ACAA2: variants seen among roughly 807,000 people sequenced by gnomAD.
ACAA2 encodes 3-ketoacyl-CoA thiolase, mitochondrial.
Under a neutral mutation model 44.8 loss-of-function variants are expected in ACAA2, and 35 were observed. The observed-to-expected ratio is 0.78, with a 90% confidence interval of 0.60 to 1.04. The LOEUF (loss-of-function observed/expected upper bound fraction) is 1.04, where lower values mean the gene tolerates loss of function less well. Ranked by LOEUF, ACAA2 falls within the 50% of genes least tolerant of loss-of-function variation. The probability of loss-of-function intolerance (pLI) is 0.00; values close to 1 mark genes in which losing one functional copy is unlikely to be tolerated. For synonymous variants in ACAA2, 142 were observed against 166.5 expected, an observed-to-expected ratio of 0.85 and a Z score of 1.13; for missense variants, 468 against 482.6, an observed-to-expected ratio of 0.97 and a Z score of 0.28.
At chr18:49,792,123 T>G in intron 6 of ACAA2, 29 bp downstream of exon 6, 1 of 1,586,828 alleles carries the variant, frequency 6.3e-7, no homozygotes, top group Non-Finnish European at 8.6e-7. Context: ...CCAGGAAGAA[T>G]TCAAGCTAAT....
At chr18:49,798,828 T>C (rs1418187690) in intron 2 of ACAA2, among the ~76,000 whole-genome samples, 1 of 152,172 alleles carries the variant, frequency 6.6e-6, no homozygotes, top group African/African-American at 2.4e-5. Context: ...GGATATTCTT[T>C]TGCCAAGGTT....
rs1445877103 is a variant in ACAA2 at position 49,782,739 on chromosome 18, T to G, written c.*1108A>C. 6.6e-6 allele frequency: 1 copy of G among 151,092 alleles called. No individual in the cohort carries two copies. Among genetic ancestry groups the G allele is most frequent in the Non-Finnish European group, 1.5e-5 (1 of 68,088 alleles). 9.4% of individuals were successfully genotyped at this position (151,092 alleles called of 1,614,324 possible). On this transcript the variant is annotated 3_prime_UTR_variant, in exon 10 of 10. Coordinates refer to ENST00000285093, the MANE Select transcript of ACAA2 (RefSeq NM_006111.3). ...GGCAGGCGCCTGTAGTCCCAGCTACTGGGGAGGCTGAGGCAGGAGAATGGC... is the reference window on the plus strand; with the variant it reads ...GGCAGGCGCCTGTAGTCCCAGCTACGGGGGAGGCTGAGGCAGGAGAATGGC...
At chr18:49,788,061 A>G (rs891554102) in intron 7 of ACAA2, among the ~76,000 whole-genome samples, 1 of 152,240 alleles carries the variant, frequency 6.6e-6, no homozygotes, top group Non-Finnish European at 1.5e-5. Context: ...TAAATAAAAC[A>G]TAACTCCTAA....
At chr18:49,788,743 G>A (rs968028422) in intron 7 of ACAA2, among the ~76,000 whole-genome samples, 2 of 152,154 alleles carry the variant, frequency 1.3e-5, no homozygotes, top group African/African-American at 2.4e-5. Context: ...AGCATGACTC[G>A]TACTTTCACT....
chr18:49,792,173 A>G lies in ACAA2; in HGVS notation c.732T>C (p.Thr244=). 6.2e-7 allele frequency: 1 copy of G among 1,613,962 alleles called. No individual in the cohort carries two copies. Among genetic ancestry groups the G allele is most frequent in the Non-Finnish European group, 8.5e-7 (1 of 1,179,878 alleles). Reference sequence around the variant, plus strand: ...CAACCGATGCATTCCCTGCAGTAACAGTTCCATCTTTCTTGAATACTGGAG... The same window carrying G: ...CAACCGATGCATTCCCTGCAGTAACGGTTCCATCTTTCTTGAATACTGGAG... ...KLPPVFKKDG[T]VTAGNASGVA... The change falls in exon 6 of 10, where the codon ACT becomes ACC. Residue 244 remains threonine (T), a synonymous_variant. Coordinates refer to ENST00000285093, the MANE Select transcript of ACAA2 (RefSeq NM_006111.3).
intron 7 of ACAA2, 47 bp from the exon 8 acceptor site, chr18:49,787,408 A>G (rs778963985): frequency 6.0e-5 from 75 of 1,259,484 alleles, no homozygotes; most frequent in Non-Finnish European, 7.4e-5. Flanking sequence ...AATAAATGTC[A>G]TCTTATATTT....
Position 49,809,013 on chromosome 18 carries a change from T to C in ACAA2, c.16+4456A>G, listed in dbSNP as rs140571475. Among the ~76,000 whole-genome samples, 774 of 152,220 alleles carry C rather than the reference T, an allele frequency of 5.1e-3. 13 individuals carry two copies. The highest frequency in any genetic ancestry group is 0.041 in the East Asian group (211 of 5,186). On this transcript the variant is annotated intron_variant, in intron 1 of 9. Coordinates refer to ENST00000285093, the MANE Select transcript of ACAA2 (RefSeq NM_006111.3). ...AAGACAGACACTCCCAGAGCGGCCA[T>C]TTATAGACCTCCCCCCAGGAATACA...
At chr18:49,786,399 G>A (rs556536102) in intron 8 of ACAA2, 10 of 152,326 alleles carry the variant, frequency 6.6e-5, no homozygotes, top group Admixed American at 3.3e-4. Flanking sequence ...TCTAAAGTGA[G>A]AAATTTAGTG....
chr18:49,800,625 G>C (rs1031898903), intron 2 of ACAA2, among the ~76,000 whole-genome samples: 2 of 152,158 alleles, frequency 1.3e-5, no homozygotes, highest in Non-Finnish European at 2.9e-5. Flanking sequence ...TGAAACATGT[G>C]CTGTGTCCAC....
intron 1 of ACAA2, among the ~76,000 whole-genome samples, chr18:49,810,748 T>G (rs913742018): frequency 6.6e-5 from 10 of 151,820 alleles, no homozygotes; most frequent in Non-Finnish European, 2.9e-5. Flanking sequence ...AGTGCGGTAG[T>G]GTGATCTTGG....
intron 6 of ACAA2, 143 bp from the exon 7 acceptor site, chr18:49,791,742 C>A: frequency 1.3e-6 from 1 of 779,888 alleles, no homozygotes; most frequent in Non-Finnish European, 1.9e-6. Flanking sequence ...AAAAGTGGTA[C>A]TGTGGTGGAT....
At position 49,810,892 on chromosome 18, in the gene ACAA2, A is replaced by G. The variant is rs543115864; in HGVS notation, c.16+2577T>C. ...TGTAGAGACTGGGTTTCTCTATTTT[A>G]AAAAATAATTTGTTATTATTATTTT... is the stretch of plus-strand genomic sequence containing the variant. On this transcript the variant is annotated intron_variant, in intron 1 of 9. Transcript: ENST00000285093. 8.7e-5 allele frequency among the ~76,000 whole-genome samples: 12 copies of G among 137,644 alleles called. No homozygotes were observed. In the East Asian group the frequency reaches 2.4e-3, roughly 27 times the overall value. The allele number at this position is 137,644 out of a possible 152,430, so 90.3% of individuals were successfully genotyped here.
Position 49,795,811 on chromosome 18 carries a change from C to T in ACAA2, c.383G>A (p.Cys128Tyr). 1 of 1,611,804 alleles carries T rather than the reference C, an allele frequency of 6.2e-7. No individual in the cohort carries two copies. ...GTESMSQAPY[C>Y]VRNVRFGTKL... ...GGTTCCAAAACGCACATTTCTGACACAGTAGGGAGCTTGGCTCATGCTTTC... is the reference window on the plus strand; with the variant it reads ...GGTTCCAAAACGCACATTTCTGACATAGTAGGGAGCTTGGCTCATGCTTTC... The change falls in exon 4 of 10, where the codon TGT becomes TAT. Residue 128 changes from cysteine (C) to tyrosine (Y), a missense_variant. Coordinates refer to ENST00000285093, the MANE Select transcript of ACAA2 (RefSeq NM_006111.3).
At position 49,782,937 on chromosome 18, in the gene ACAA2, A is replaced by AAGTT. The variant is rs1200165654; in HGVS notation, c.*906_*909dup. ...TAAAATTTCCAGTGGCTCTTTGATG[A>AAGTT]AGTTAACAAGAATAGGGCCTTGCCC... On this transcript the variant is annotated 3_prime_UTR_variant, in exon 10 of 10. Transcript: ENST00000285093. The AAGTT allele has an allele frequency of 6.6e-6, 1 of 152,196 alleles. No individual in the cohort carries two copies. The highest frequency in any genetic ancestry group is 1.5e-5 in the Non-Finnish European group (1 of 68,030). The allele number at this position is 152,196 out of a possible 1,614,324, so 9.4% of individuals were successfully genotyped here.
chr18:49,806,660 C>T (rs992657542), intron 1 of ACAA2, among the ~76,000 whole-genome samples: 1 of 152,132 alleles, frequency 6.6e-6, no homozygotes, highest in African/African-American at 2.4e-5. Flanking sequence ...AGAGACCAAT[C>T]CCAAGAAGAC....
chr18:49,796,592 T>G (rs181454901), intron 3 of ACAA2, among the ~76,000 whole-genome samples: 2 of 152,314 alleles, frequency 1.3e-5, no homozygotes, highest in East Asian at 3.9e-4. Flanking sequence ...AAGAAACAAA[T>G]GTATTTAACC....
chr18:49,785,143 A>G (rs17657133), intron 9 of ACAA2, 54 bp downstream of exon 9: 77,105 of 1,588,820 alleles, frequency 0.049, 2,138 homozygotes, highest in Middle Eastern at 0.063. Flanking sequence ...GCCTAAATCC[A>G]TGCATTTCTA....
At chr18:49,806,619 A>G (rs1289130607) in intron 1 of ACAA2, among the ~76,000 whole-genome samples, 1 of 152,244 alleles carries the variant, frequency 6.6e-6, no homozygotes, top group Non-Finnish European at 1.5e-5. Context: ...GTTAATCCAC[A>G]TATGAGGAAA....
At chr18:49,794,145 CAAA>C (rs1370970038) in intron 5 of ACAA2, 132 bp downstream of exon 5, 5 of 735,606 alleles carry the variant, frequency 6.8e-6, no homozygotes, top group Non-Finnish European at 9.7e-6. Context: ...CATCTAAAGA[CAAA>C]GGAATAATGA....
Sources: gnomAD v4.1 joint callset for allele counts (sites outside exome capture counted in the v4.1 genomes callset) on GRCh38, gnomAD v4.1.1 for gene constraint, MANE v1.5 for transcripts, NCBI Gene and HGNC (gene_info 2026-07-23, HGNC 2026-07-21) for gene names.